The following SLC7A11 variants were observed in gnomAD, a reference collection of about 807,000 sequenced individuals.
SLC7A11 encodes solute carrier family 7 member 11.
SLC7A11 carries 35 observed loss-of-function variants against 54.5 expected under a neutral mutation model. The ratio of observed to expected loss-of-function variants is 0.64; its 90% CI spans 0.49 to 0.85. SLC7A11 has a LOEUF of 0.85. SLC7A11 is among the 40% of genes least tolerant of loss of function. The pLI, the probability that SLC7A11 is intolerant of heterozygous loss-of-function variation, is 0.00. For synonymous variants in SLC7A11, 230 were observed against 225.2 expected (o/e 1.02, Z -0.19); for missense variants, 583 against 618.1 (o/e 0.94, Z 0.60).
intron 4 of SLC7A11, among the ~76,000 whole-genome samples, chr4:138,220,687 C>A (rs1737789827): frequency 6.6e-6 from 1 of 151,918 alleles, no homozygotes; most frequent in Admixed American, 6.6e-5. Context: ...TTCTATTACC[C>A]AAAGAAAATA....
chr4:138,189,022 G>A (rs987137812), intron 6 of SLC7A11, among the ~76,000 whole-genome samples: 10 of 152,122 alleles, frequency 6.6e-5, no homozygotes, highest in East Asian at 1.9e-4. Context: ...GTCTTCAGTC[G>A]AAAAGGTCTT....
chr4:138,226,693 TA>T (rs1221739143), intron 3 of SLC7A11, among the ~76,000 whole-genome samples: 2 of 152,198 alleles, frequency 1.3e-5, no homozygotes, highest in South Asian at 2.1e-4. Flanking sequence ...TGGGATTCAC[TA>T]AATGCAAGAG....
At chr4:138,224,827 G>GATGA (rs1353244855) in intron 3 of SLC7A11, among the ~76,000 whole-genome samples, 3 of 142,466 alleles carry the variant, frequency 2.1e-5, no homozygotes, top group Non-Finnish European at 4.5e-5. Context: ...AGGAAGGAAG[G>GATGA]AAGGAAGGAA....
Position 138,242,088 on chromosome 4 carries a change from A to G in SLC7A11, c.-19T>C, listed in dbSNP as rs570720784. On this transcript the variant is annotated 5_prime_UTR_variant, in exon 1 of 12. Coordinates refer to ENST00000280612, the MANE Select transcript of SLC7A11 (RefSeq NM_014331.4). The stretch of plus-strand genomic sequence containing the variant: ...TGACCATAGTAGGGACACACGGGGG[A>G]AAAATAAAACAGAGGGAAAGAAAAC... 149 of 1,610,996 alleles carry G rather than the reference A, an allele frequency of 9.2e-5. No individual in the cohort carries two copies. Among genetic ancestry groups the G allele is most frequent in the South Asian group, 6.6e-4 (60 of 90,902 alleles).
At chr4:138,240,498 C>T (rs543201713) in intron 1 of SLC7A11, among the ~76,000 whole-genome samples, 79 of 142,270 alleles carry the variant, frequency 5.6e-4, no homozygotes, top group Non-Finnish European at 8.9e-4. Context: ...ACTTGGGAGG[C>T]GGAGGTTGCA....
Position 138,242,244 on chromosome 4 carries a change from A to C in SLC7A11, c.-175T>G. ...TGTGCTTTTTCCTTCACAGCGATCTAATTACTACTCAGAAACACCTGTGTA... is the reference window on the plus strand; with the variant it reads ...TGTGCTTTTTCCTTCACAGCGATCTCATTACTACTCAGAAACACCTGTGTA... On this transcript the variant is annotated 5_prime_UTR_variant, in exon 1 of 12. The change creates a new upstream start codon in the 5' untranslated region. Transcript: ENST00000280612. 2.9e-6 allele frequency: 2 copies of C among 687,032 alleles called. No individual in the cohort carries two copies. Among genetic ancestry groups the C allele is most frequent in the Non-Finnish European group, 4.8e-6 (2 of 414,426 alleles). 42.6% of individuals were successfully genotyped at this position (687,032 alleles called of 1,614,324 possible). A position where few individuals can be genotyped will look rare whatever the true frequency, so the allele number is the denominator to read the frequency against.
At chr4:138,179,495 G>T in intron 10 of SLC7A11, 101 bp from the exon 11 acceptor site, 1 of 989,628 alleles carries the variant, frequency 1.0e-6, no homozygotes, top group Non-Finnish European at 1.5e-6. Flanking sequence ...TTAGTGATAT[G>T]CTGTAGTCAT....
At chr4:138,233,823 G>A (rs936189480) in intron 2 of SLC7A11, among the ~76,000 whole-genome samples, 1 of 152,156 alleles carries the variant, frequency 6.6e-6, no homozygotes, top group African/African-American at 2.4e-5. Context: ...GCTCCATCTG[G>A]TCTAAGCTCT....
chr4:138,197,694 C>T (rs1185224210), intron 6 of SLC7A11, among the ~76,000 whole-genome samples: 1 of 151,770 alleles, frequency 6.6e-6, no homozygotes, highest in Admixed American at 6.6e-5. Flanking sequence ...TAAAAACGAC[C>T]TCTATGCAAA....
intron 6 of SLC7A11, among the ~76,000 whole-genome samples, chr4:138,192,182 G>T (rs4863771): frequency 0.36 from 54,002 of 151,962 alleles, 10,270 homozygotes; most frequent in Middle Eastern, 0.52. Flanking sequence ...TCTTTCCAAA[G>T]TATAAGTTAT....
chr4:138,230,815 C>T (rs1248673770), intron 3 of SLC7A11, among the ~76,000 whole-genome samples: 1 of 152,018 alleles, frequency 6.6e-6, no homozygotes, highest in Non-Finnish European at 1.5e-5. Flanking sequence ...GACTTTTCTG[C>T]CGGAGAAAAA....
chr4:138,224,570 A>G (rs1324384675), intron 3 of SLC7A11, among the ~76,000 whole-genome samples: 1 of 152,100 alleles, frequency 6.6e-6, no homozygotes, highest in Non-Finnish European at 1.5e-5. Flanking sequence ...TTAACAATCA[A>G]TGCAAATGTC....
At chr4:138,220,343 A>G (rs796083926) in intron 4 of SLC7A11, among the ~76,000 whole-genome samples, 5 of 152,284 alleles carry the variant, frequency 3.3e-5, no homozygotes, top group East Asian at 1.9e-4. Flanking sequence ...ATTTCAACCT[A>G]TAATAGCAGA....
intron 6 of SLC7A11, among the ~76,000 whole-genome samples, chr4:138,203,376 G>C (rs1411176037): frequency 6.6e-6 from 1 of 151,742 alleles, no homozygotes; most frequent in Non-Finnish European, 1.5e-5. Flanking sequence ...ATTTTAAAAT[G>C]AACTATATTC....
At chr4:138,213,506 G>A (rs1000449528) in intron 6 of SLC7A11, among the ~76,000 whole-genome samples, 4 of 150,976 alleles carry the variant, frequency 2.6e-5, no homozygotes, top group African/African-American at 9.7e-5. Context: ...AGAAATCAGT[G>A]TGTGTTTGTT....
In SLC7A11 at chr4:138,232,352, T is replaced by A. The variant is rs147680354; in HGVS notation, c.435A>T (p.Ala145=). The change falls in exon 3 of 12, where the codon GCA becomes GCT. Residue 145 remains alanine (A), a synonymous_variant. Coordinates refer to ENST00000280612, the MANE Select transcript of SLC7A11 (RefSeq NM_014331.4). ...ATGGTTCCAGAATGTAGCGTCCAAA[T>A]GCCAGGGATATCACAGCAGTAGCTG... ...RPAATAVISL[A]FGRYILEPFF... The A allele has an allele frequency of 1.2e-6, 2 of 1,612,898 alleles. No individual in the cohort carries two copies. Among genetic ancestry groups the A allele is most frequent in the Non-Finnish European group, 1.7e-6 (2 of 1,179,074 alleles).
chr4:138,222,626 G>A (rs1342303191), intron 4 of SLC7A11, among the ~76,000 whole-genome samples: 2 of 152,094 alleles, frequency 1.3e-5, no homozygotes, highest in Non-Finnish European at 2.9e-5. Context: ...TCGCAGAAAT[G>A]CGAATTTTAT....
At chr4:138,224,815 A>AAAAGAAGGAAGGAAGG (rs944259412) in intron 3 of SLC7A11, among the ~76,000 whole-genome samples, 434 of 135,954 alleles carry the variant, frequency 3.2e-3, no homozygotes, top group African/African-American at 0.011. Flanking sequence ...AGGAAGGATG[A>AAAAGAAGGAAGGAAGG]AAGGAAGGAA....
chr4:138,174,839 C>G (rs965315619), intron 11 of SLC7A11: 4 of 152,168 alleles, frequency 2.6e-5, no homozygotes, highest in Non-Finnish European at 4.4e-5. Flanking sequence ...CTTTACCTTT[C>G]ATGTTCAGTA....
Sources: gnomAD v4.1 joint callset for allele counts (sites outside exome capture counted in the v4.1 genomes callset) on GRCh38, gnomAD v4.1.1 for gene constraint, MANE v1.5 for transcripts, NCBI Gene and HGNC (gene_info 2026-07-23, HGNC 2026-07-21) for gene names.